Variants in ITGB3 observed in about 807,000 individuals in gnomAD.
ITGB3 encodes the protein integrin beta-3.
A neutral mutation model predicts 85.8 loss-of-function variants in ITGB3; 48 were observed. The ratio of observed to expected loss-of-function variants is 0.56; its 90% CI spans 0.44 to 0.71. The LOEUF is 0.71. Ranked by LOEUF, ITGB3 falls within the 30% of genes least tolerant of loss-of-function variation. The pLI is 0.00. For synonymous variants in ITGB3, 363 were observed against 395.6 expected, an observed-to-expected ratio of 0.92 and a Z score of 0.98; for missense variants, 861 against 1,019.1, an observed-to-expected ratio of 0.84 and a Z score of 2.11.
intron 13 of ITGB3, 140 bp downstream of exon 13, chr17:47,302,980 G>T: frequency 1.0e-6 from 1 of 956,332 alleles, no homozygotes; most frequent in African/African-American, 1.6e-5. Flanking sequence ...AGGTGTGGTG[G>T]TTAACACCTG....
Position 47,299,148 on chromosome 17 carries a change from C to T in ITGB3, c.1691-160C>T, listed in dbSNP as rs537229364. Among the ~76,000 whole-genome samples the T allele has an allele frequency of 2.0e-5, 3 of 152,136 alleles. No homozygotes were observed. Among genetic ancestry groups the T allele is most frequent in the Non-Finnish European group, 2.9e-5 (2 of 68,014 alleles). ...GGACCCCTAGAAAACTGAGTTTGTC[C>T]CTGCTGGGTAGGACTCCCCTGGGTG... On this transcript the variant is annotated intron_variant, in intron 10 of 14. Transcript: ENST00000559488. This position sits in a 1 kb window ranked among gnomAD's most constrained non-coding sequence, Gnocchi z 5.1.
At chr17:47,269,440 C>T (rs906558508) in intron 1 of ITGB3, among the ~76,000 whole-genome samples, 6 of 152,102 alleles carry the variant, frequency 3.9e-5, no homozygotes, top group African/African-American at 1.2e-4. Flanking sequence ...CCTAAATCAT[C>T]TCTCTCACAT....
chr17:47,274,501 T>G lies in ITGB3; in HGVS notation c.162T>G (p.Asp54Glu). 6.2e-7 allele frequency: 1 copy of G among 1,613,462 alleles called. No homozygotes were observed. The highest frequency in any genetic ancestry group is 8.5e-7 in the Non-Finnish European group (1 of 1,179,574). ...GCCCCATGTGTGCCTGGTGCTCTGATGAGGTAAGGAGCAGATACCAGACCT... is the reference window on the plus strand; with the variant it reads ...GCCCCATGTGTGCCTGGTGCTCTGAGGAGGTAAGGAGCAGATACCAGACCT... ...AVSPMCAWCS[D>E]EALPLGSPRC... Residue 54 changes from aspartate (D) to glutamate (E), a missense_variant, in exon 2 of 15, where the codon GAT becomes GAG. Transcript: ENST00000559488.
At chr17:47,297,429 A>G (rs7220606) in intron 10 of ITGB3, among the ~76,000 whole-genome samples, 82,710 of 152,052 alleles carry the variant, frequency 0.54, 22,778 homozygotes, top group Non-Finnish European at 0.57. Flanking sequence ...GGCAAGGCAC[A>G]TGGATCACCT....
At chr17:47,290,863 G>A in intron 8 of ITGB3, 91 bp from the exon 9 acceptor site, 1 of 1,491,420 alleles carries the variant, frequency 6.7e-7, no homozygotes. Context: ...AGAGCTACTT[G>A]CCAGATTTGG....
chr17:47,255,484 C>T (rs749142995), intron 1 of ITGB3, among the ~76,000 whole-genome samples: 80 of 151,520 alleles, frequency 5.3e-4, no homozygotes, highest in Non-Finnish European at 1.5e-5. Context: ...TGCAGTGGCG[C>T]GATTTCAGCT....
rs551584180 is a variant in ITGB3, at chr17:47,299,741, G to A, written c.1913+211G>A. On this transcript the variant is annotated intron_variant, in intron 11 of 14. Coordinates refer to ENST00000559488, the MANE Select transcript of ITGB3 (RefSeq NM_000212.3). The surrounding 1 kb of genome is among the most constrained non-coding windows in gnomAD (Gnocchi z 5.1). ...GAAGGAGCCAAAGTTGAACGAGCTG[G>A]ACTTCGATTGAGAATGTCCTCTCCT... 6.6e-6 allele frequency among the ~76,000 whole-genome samples: 1 copy of A among 152,344 alleles called. No homozygotes were observed. Among genetic ancestry groups the A allele is most frequent in the South Asian group, 2.1e-4 (1 of 4,826 alleles).
chr17:47,300,678 G>A, intron 12 of ITGB3, 100 bp downstream of exon 12: 1 of 829,804 alleles, frequency 1.2e-6, no homozygotes, highest in Non-Finnish European at 2.0e-6. Flanking sequence ...ATGGAAGCGT[G>A]ACTTCTACCT....
At position 47,296,500 on chromosome 17, in the gene ITGB3, T is replaced by C. The variant is rs565660319; in HGVS notation, c.1691-2808T>C. On this transcript the variant is annotated intron_variant, in intron 10 of 14. Transcript: ENST00000559488. Reference sequence around the variant, plus strand: ...CAATCTGCCTCGGCCTCCCAGAGTGTTGAGGTTACAGGCATGAGCCACCAT... The same window carrying C: ...CAATCTGCCTCGGCCTCCCAGAGTGCTGAGGTTACAGGCATGAGCCACCAT... 7.9e-5 allele frequency among the ~76,000 whole-genome samples: 12 copies of C among 152,288 alleles called. 1 individual carries two copies. The South Asian group carries it at 2.3e-3, about 29-fold the overall frequency.
chr17:47,292,038 G>A (rs2065128288), intron 9 of ITGB3, 101 bp from the exon 10 acceptor site: 1 of 1,204,584 alleles, frequency 8.3e-7, no homozygotes, highest in East Asian at 2.4e-5. Context: ...ACCCAATTTG[G>A]GTATTCCTTG....
In ITGB3 at chr17:47,302,814, C is replaced by T; in HGVS notation, c.2108C>T (p.Ser703Phe). 1 of 1,614,180 alleles carries T rather than the reference C, an allele frequency of 6.2e-7. No homozygotes were observed. Among genetic ancestry groups the T allele is most frequent in the South Asian group, 1.1e-5 (1 of 91,084 alleles). Residue 703 changes from serine to phenylalanine, a missense_variant, in exon 13 of 15, where the codon TCC (serine) becomes TTC (phenylalanine). Physicochemically the swap from Ser to Phe is radical, Grantham distance 155. Coordinates refer to ENST00000559488, the MANE Select transcript of ITGB3 (RefSeq NM_000212.3). ...FQYYEDSSGK[S>F]ILYVVEEPEC... ...TACTATGAAGATTCTAGTGGAAAGT[C>T]CATCCTGTATGTGGTAGAAGAGCCA... is the stretch of plus-strand genomic sequence containing the variant.
Position 47,313,269 on chromosome 17 carries a change from CG to C in ITGB3, c.*3067del, listed in dbSNP as rs937498831. Among the ~76,000 whole-genome samples the C allele has an allele frequency of 2.0e-4, 31 of 151,886 alleles. No individual in the cohort carries two copies. The highest frequency in any genetic ancestry group is 7.5e-4 in the African/African-American group (31 of 41,342). Reference sequence around the variant, plus strand: ...GATTACAAGTGTGAAGCACTGTGCCCGGCCAGTCATCCATGATTTTAATGGG... The same window carrying C: ...GATTACAAGTGTGAAGCACTGTGCCCGCCAGTCATCCATGATTTTAATGGG... On this transcript the variant is annotated 3_prime_UTR_variant, in exon 15 of 15. Transcript: ENST00000559488.
intron 10 of ITGB3, among the ~76,000 whole-genome samples, chr17:47,295,780 G>A (rs147152554): frequency 5.1e-5 from 7 of 137,968 alleles, no homozygotes; most frequent in South Asian, 5.4e-4. Context: ...GGGGGCGGGT[G>A]GGGGGGCAGC....
At chr17:47,281,190 C>G (rs2065082601) in intron 2 of ITGB3, among the ~76,000 whole-genome samples, 4 of 152,110 alleles carry the variant, frequency 2.6e-5, no homozygotes, top group Admixed American at 2.6e-4. Flanking sequence ...AATGTCAACA[C>G]TAGTTGTTCT....
In ITGB3 at chr17:47,287,094, G is replaced by A. The variant is rs772696780; in HGVS notation, c.802G>A (p.Ala268Thr). The part of the protein sequence containing the change: ...CDEKIGWRND[A>T]SHLLVFTTDA... The stretch of plus-strand genomic sequence containing the variant: ...GGAAAAGATTGGCTGGAGGAATGAT[G>A]CATCCCACTTGCTGGTGTTTACCAC... The change falls in exon 6 of 15, where the codon GCA (alanine) becomes ACA (threonine). Residue 268 changes from alanine (A) to threonine (T), a missense_variant. Coordinates refer to ENST00000559488, the MANE Select transcript of ITGB3 (RefSeq NM_000212.3). 1 of 1,614,080 alleles carries A rather than the reference G, an allele frequency of 6.2e-7. No individual in the cohort carries two copies. The highest frequency in any genetic ancestry group is 8.5e-7 in the Non-Finnish European group (1 of 1,179,970).
chr17:47,284,524 AC>A lies in ITGB3; in HGVS notation c.444del (p.Ser149ProfsTer2). ...VDIYYLMDLS[Y>X]SMKDDLWSIQ... is the part of the protein sequence containing the mutation. ...ATCTACTACTTGATGGACCTGTCTT[AC>A]TCCATGAAGGATGATCTGTGGAGCA... On this transcript the variant is annotated frameshift_variant, in exon 4 of 15. Transcript: ENST00000559488. LOFTEE classifies it high-confidence loss of function. The A allele has an allele frequency of 1.9e-6, 3 of 1,614,050 alleles. No individual in the cohort carries two copies. Among genetic ancestry groups the A allele is most frequent in the Non-Finnish European group, 2.5e-6 (3 of 1,179,992 alleles).
chr17:47,310,351 T>G lies in ITGB3; in HGVS notation c.*147T>G, dbSNP rs2065209021. 1 of 741,120 alleles carries G rather than the reference T, an allele frequency of 1.3e-6. No homozygotes were observed. Among genetic ancestry groups the G allele is most frequent in the Non-Finnish European group, 2.4e-6 (1 of 416,052 alleles). The allele number at this position is 741,120 out of a possible 1,614,324, so 45.9% of individuals were successfully genotyped here. ...GGGAGAATGTCAGTATGTGGAAGTG[T>G]GGGTCTGTGTGTGTGTATGTGGGGG... On this transcript the variant is annotated 3_prime_UTR_variant, in exon 15 of 15. Coordinates refer to ENST00000559488, the MANE Select transcript of ITGB3 (RefSeq NM_000212.3).
chr17:47,291,423 C>G (rs1222211190), intron 9 of ITGB3: 2 of 531,162 alleles, frequency 3.8e-6, no homozygotes, highest in Non-Finnish European at 6.6e-6. Flanking sequence ...GCCAGCCTTT[C>G]CAAGGTAATT....
intron 13 of ITGB3, among the ~76,000 whole-genome samples, chr17:47,303,298 G>A (rs2065174540): frequency 6.6e-6 from 1 of 151,910 alleles, no homozygotes; most frequent in Non-Finnish European, 1.5e-5. Flanking sequence ...GATAAGTTAG[G>A]GACCGTCATC....
Sources: allele counts gnomAD v4.1 joint callset (sites outside exome capture counted in the v4.1 genomes callset), GRCh38; gene constraint gnomAD v4.1.1; non-coding constraint Gnocchi (gnomAD v3.1); transcripts MANE v1.5; gene names NCBI Gene and HGNC (gene_info 2026-07-23, HGNC 2026-07-21).